CPQ: variants seen among roughly 807,000 people sequenced by gnomAD.
CPQ encodes the protein carboxypeptidase Q.
Under a neutral mutation model 45.7 loss-of-function variants are expected in CPQ, and 37 were observed. That is an observed-to-expected ratio of 0.81 (90% CI 0.62 to 1.07). The LOEUF (loss-of-function observed/expected upper bound fraction) is 1.07. Among genes scored for constraint, CPQ ranks in the 50% least tolerant of loss-of-function variants. The pLI is 0.00. For missense variants in CPQ, 537 were observed against 572.9 expected (o/e 0.94, Z 0.64); for synonymous variants, 186 against 205.8 (o/e 0.90, Z 0.82).
At chr8:97,008,516 G>A (rs1345540930) in intron 5 of CPQ, among the ~76,000 whole-genome samples, 1 of 152,000 alleles carries the variant, frequency 6.6e-6, no homozygotes, top group African/African-American at 2.4e-5. Flanking sequence ...GCCTTGTGTT[G>A]TTGTCACCTT....
At chr8:97,044,923 G>C (rs375232369) in intron 6 of CPQ, among the ~76,000 whole-genome samples, 5 of 151,130 alleles carry the variant, frequency 3.3e-5, no homozygotes, top group Admixed American at 6.6e-5. Flanking sequence ...TTAGGCTGCT[G>C]GGGGGTCAGG....
At chr8:96,896,772 G>A (rs772618953) in intron 4 of CPQ, among the ~76,000 whole-genome samples, 1 of 151,974 alleles carries the variant, frequency 6.6e-6, no homozygotes, top group Non-Finnish European at 1.5e-5. Context: ...GCATCTAATG[G>A]GAACTCAAAA....
intron 2 of CPQ, 21 bp downstream of exon 2, chr8:96,785,351 T>G: frequency 6.5e-7 from 1 of 1,546,076 alleles, no homozygotes; most frequent in Non-Finnish European, 8.7e-7. Flanking sequence ...TCTTTTCAGT[T>G]TGATTTGTAT....
At chr8:96,844,941 T>C (rs1811664934) in intron 3 of CPQ, among the ~76,000 whole-genome samples, 1 of 152,216 alleles carries the variant, frequency 6.6e-6, no homozygotes, top group South Asian at 2.1e-4. Flanking sequence ...ACCAAAGTTG[T>C]GGTGGCCCAA....
intron 2 of CPQ, among the ~76,000 whole-genome samples, chr8:96,809,975 C>G (rs560148515): frequency 2.6e-5 from 4 of 152,142 alleles, no homozygotes; most frequent in African/African-American, 9.7e-5. Flanking sequence ...CCATACACAC[C>G]TTACTGTTTC....
intron 4 of CPQ, among the ~76,000 whole-genome samples, chr8:96,921,654 T>TA (rs1812809674): frequency 6.6e-6 from 1 of 152,190 alleles, no homozygotes; most frequent in Non-Finnish European, 1.5e-5. Flanking sequence ...CAGGGAGGTC[T>TA]TCCCATGATA....
intron 7 of CPQ, among the ~76,000 whole-genome samples, chr8:97,073,480 T>C (rs1226341678): frequency 6.6e-6 from 1 of 152,168 alleles, no homozygotes; most frequent in African/African-American, 2.4e-5. Flanking sequence ...TGTACAGTGA[T>C]GTTTGAAGGG....
In CPQ at chr8:96,811,731, C is replaced by T. The variant is rs113328357; in HGVS notation, c.434-23242C>T. Reference sequence around the variant, plus strand: ...TAAAATAATTTGCTGACTTGTTGATCTCACCTTTCAAATAATATGCCAAGG... The same window carrying T: ...TAAAATAATTTGCTGACTTGTTGATTTCACCTTTCAAATAATATGCCAAGG... On this transcript the variant is annotated intron_variant, in intron 2 of 7. Coordinates refer to ENST00000220763, the MANE Select transcript of CPQ (RefSeq NM_016134.4). Among the ~76,000 whole-genome samples the T allele has an allele frequency of 7.1e-3, 1,077 of 152,166 alleles. 11 individuals are homozygous for T. Among genetic ancestry groups the T allele is most frequent in the African/African-American group, 0.02 (814 of 41,522 alleles).
chr8:96,682,097 A>C, intron 1 of CPQ, among the ~76,000 whole-genome samples: 1 of 152,170 alleles, frequency 6.6e-6, no homozygotes, highest in East Asian at 1.9e-4. Context: ...AAATGAGTTA[A>C]GATTTTGGGG....
At chr8:96,954,597 T>TTTTA (rs1410562215) in intron 4 of CPQ, among the ~76,000 whole-genome samples, 1 of 152,140 alleles carries the variant, frequency 6.6e-6, no homozygotes, top group African/African-American at 2.4e-5. Flanking sequence ...CTGTTATTTT[T>TTTTA]TTTATTTATT....
chr8:96,841,289 C>T (rs41343444), intron 3 of CPQ, among the ~76,000 whole-genome samples: 1,718 of 152,238 alleles, frequency 0.011, 42 homozygotes, highest in African/African-American at 0.038. Flanking sequence ...CTCTGTTGTC[C>T]GCTTTTTAGA....
intron 1 of CPQ, among the ~76,000 whole-genome samples, chr8:96,679,754 G>T (rs942977693): frequency 6.6e-6 from 1 of 150,492 alleles, no homozygotes; most frequent in Non-Finnish European, 1.5e-5. Flanking sequence ...GGTACCAGTT[G>T]CAATGTCTCC....
intron 5 of CPQ, among the ~76,000 whole-genome samples, chr8:96,992,439 A>G (rs542029211): frequency 8.5e-5 from 13 of 152,308 alleles, no homozygotes; most frequent in Non-Finnish European, 1.6e-4. Context: ...GAAATGTTAA[A>G]GAAATAATTA....
intron 4 of CPQ, among the ~76,000 whole-genome samples, chr8:96,898,647 G>T: frequency 8.2e-6 from 1 of 121,904 alleles, no homozygotes; most frequent in African/African-American, 3.0e-5. Flanking sequence ...GAGGGGGGAG[G>T]GATAGCATTG....
At chr8:96,780,894 T>C (rs988378004) in intron 1 of CPQ, among the ~76,000 whole-genome samples, 2 of 152,036 alleles carry the variant, frequency 1.3e-5, no homozygotes, top group African/African-American at 4.8e-5. Context: ...TGTATATGTA[T>C]GTGTGTGTCG....
At chr8:96,987,298 C>T (rs1475100738) in intron 5 of CPQ, among the ~76,000 whole-genome samples, 1 of 152,018 alleles carries the variant, frequency 6.6e-6, no homozygotes, top group African/African-American at 2.4e-5. Context: ...TTAGAACTGA[C>T]CACAGTCAAG....
intron 2 of CPQ, among the ~76,000 whole-genome samples, chr8:96,833,727 G>A (rs968567350): frequency 6.6e-6 from 1 of 152,146 alleles, no homozygotes; most frequent in Admixed American, 6.5e-5. Context: ...AGTTCTCAGT[G>A]TTGGTGAAGG....
At chr8:97,007,931 G>T (rs1401684052) in intron 5 of CPQ, among the ~76,000 whole-genome samples, 1 of 152,108 alleles carries the variant, frequency 6.6e-6, no homozygotes, top group Non-Finnish European at 1.5e-5. Flanking sequence ...TTTAATACTG[G>T]ACAGTAAAAT....
At chr8:97,132,015 T>C (rs1254655565) in intron 7 of CPQ, among the ~76,000 whole-genome samples, 1 of 152,228 alleles carries the variant, frequency 6.6e-6, no homozygotes, top group Non-Finnish European at 1.5e-5. Context: ...CATCAAAGTT[T>C]CTTTGAAAGG....
Sources: gnomAD v4.1 joint callset for allele counts (sites outside exome capture counted in the v4.1 genomes callset) on GRCh38, gnomAD v4.1.1 for gene constraint, MANE v1.5 for transcripts, NCBI Gene and HGNC (gene_info 2026-07-23, HGNC 2026-07-21) for gene names.